NUBPL: variants seen among roughly 807,000 people sequenced by gnomAD.
NUBPL encodes the protein iron-sulfur cluster transfer protein NUBPL.
In NUBPL, 31 loss-of-function variants were observed where a neutral mutation model predicts 45.7. That is an observed-to-expected ratio of 0.68 (90% CI 0.51 to 0.92). The LOEUF (loss-of-function observed/expected upper bound fraction) is 0.92, where lower values mean the gene tolerates loss of function less well. Among genes scored for constraint, NUBPL ranks in the 40% least tolerant of loss-of-function variants. The pLI, the probability that NUBPL is intolerant of heterozygous loss-of-function variation, is 0.00. For synonymous variants in NUBPL, 144 were observed against 140.9 expected, an observed-to-expected ratio of 1.02 and a Z score of -0.15; for missense variants, 401 against 398.7, an observed-to-expected ratio of 1.01 and a Z score of -0.05.
chr14:31,719,451 C>A (rs1427513364), intron 6 of NUBPL, among the ~76,000 whole-genome samples: 2 of 151,626 alleles, frequency 1.3e-5, no homozygotes, highest in African/African-American at 4.8e-5. Context: ...GGGAAATAAT[C>A]CATTTTATAC....
At chr14:31,576,358 C>T (rs1020054070) in intron 3 of NUBPL, among the ~76,000 whole-genome samples, 3 of 152,132 alleles carry the variant, frequency 2.0e-5, no homozygotes, top group Non-Finnish European at 4.4e-5. Context: ...AACCCGTGGG[C>T]TCAAGCAATC....
rs544342987 is a variant in NUBPL at position 31,594,872 on chromosome 14, T to C, written c.292-4417T>C. On this transcript the variant is annotated intron_variant, in intron 3 of 10. Transcript: ENST00000281081. ...CAGTCCGAGATTAAACTGAATATAA[T>C]ATACAGGGAATCATGGGAGTCTTAG... 5.3e-5 allele frequency among the ~76,000 whole-genome samples: 8 copies of C among 152,262 alleles called. No homozygotes were observed. In the South Asian group the frequency reaches 1.0e-3, roughly 20 times the overall value.
intron 3 of NUBPL, among the ~76,000 whole-genome samples, chr14:31,585,809 A>G (rs1477955581): frequency 6.6e-6 from 1 of 152,174 alleles, no homozygotes; most frequent in Non-Finnish European, 1.5e-5. Flanking sequence ...TAAAATGTTA[A>G]TGACATTGAA....
chr14:31,678,915 C>T (rs557158011), intron 6 of NUBPL, among the ~76,000 whole-genome samples: 1 of 152,130 alleles, frequency 6.6e-6, no homozygotes, highest in African/African-American at 2.4e-5. Context: ...ATTTAGAATC[C>T]CAGAGCACTC....
At chr14:31,799,494 G>T (rs1365111072) in intron 7 of NUBPL, among the ~76,000 whole-genome samples, 2 of 151,978 alleles carry the variant, frequency 1.3e-5, no homozygotes, top group Admixed American at 6.6e-5. Context: ...CTCATTACAG[G>T]TACACCTTGG....
Position 31,787,851 on chromosome 14 carries a change from C to T in NUBPL, c.585C>T (p.Val195=), listed in dbSNP as rs2138819359. 1 of 1,610,994 alleles carries T rather than the reference C, an allele frequency of 6.2e-7. No homozygotes were observed. Among genetic ancestry groups the T allele is most frequent in the Non-Finnish European group, 8.5e-7 (1 of 1,177,328 alleles). The change falls in exon 7 of 11, where the codon GTC becomes GTT. Residue 195 remains valine, a synonymous_variant. Transcript: ENST00000281081. ...GAACTGGAGATGTGCAGTTATCAGT[C>T]TCACAGAATATTCCTATAACAGGTA... ...PPGTGDVQLS[V]SQNIPITGAV...
chr14:31,728,312 A>AT (rs1181338157), intron 6 of NUBPL, among the ~76,000 whole-genome samples: 3 of 151,648 alleles, frequency 2.0e-5, no homozygotes, highest in East Asian at 3.9e-4. Flanking sequence ...AAATTTATTT[A>AT]TTATTATTAT....
chr14:31,742,025 C>T (rs2038295028), intron 6 of NUBPL, among the ~76,000 whole-genome samples: 1 of 151,834 alleles, frequency 6.6e-6, no homozygotes. Context: ...ATATAAAATC[C>T]TCTCCCTCCC....
chr14:31,702,979 G>A (rs1041977280), intron 6 of NUBPL: 13 of 152,194 alleles, frequency 8.5e-5, no homozygotes, highest in African/African-American at 3.1e-4. Flanking sequence ...CCTGCAGACA[G>A]TGCTTTTAAT....
intron 3 of NUBPL, among the ~76,000 whole-genome samples, chr14:31,579,699 G>A (rs7148449): frequency 1 from 152,171 of 152,336 alleles, 76,004 homozygotes; most frequent in Middle Eastern, 1. Flanking sequence ...ACATTTTCCA[G>A]AATCACCAGT....
At chr14:31,700,987 C>T (rs1392212264) in intron 6 of NUBPL, among the ~76,000 whole-genome samples, 1 of 152,208 alleles carries the variant, frequency 6.6e-6, no homozygotes, top group Non-Finnish European at 1.5e-5. Context: ...AGCACAGGAT[C>T]CACTAGACAA....
chr14:31,659,996 G>A (rs2036230407), intron 4 of NUBPL, among the ~76,000 whole-genome samples: 1 of 152,160 alleles, frequency 6.6e-6, no homozygotes, highest in African/African-American at 2.4e-5. Flanking sequence ...TGGTACAAAA[G>A]AGAAAAGTAT....
intron 6 of NUBPL, among the ~76,000 whole-genome samples, chr14:31,690,929 C>A (rs569189175): frequency 2.6e-5 from 4 of 152,170 alleles, no homozygotes; most frequent in Non-Finnish European, 4.4e-5. Flanking sequence ...TGACATTAGA[C>A]AACATGGCAT....
chr14:31,861,063 C>G lies in NUBPL; in HGVS notation c.*1883C>G, dbSNP rs2040706037. The G allele has an allele frequency of 6.6e-6, 1 of 152,104 alleles. No homozygotes were observed. The highest frequency in any genetic ancestry group is 1.5e-5 in the Non-Finnish European group (1 of 68,026). 9.4% of individuals were successfully genotyped at this position (152,104 alleles called of 1,614,324 possible). A position where few individuals can be genotyped will look rare whatever the true frequency, so the allele number is the denominator to read the frequency against. On this transcript the variant is annotated 3_prime_UTR_variant, in exon 11 of 11. Coordinates refer to ENST00000281081, the MANE Select transcript of NUBPL (RefSeq NM_025152.3). ...ATGATGGAAATGTTCTATATCACAG[C>G]TATCGATGTCAGTATCCCAGTTGTG...
chr14:31,655,311 T>G (rs1381710870), intron 4 of NUBPL, among the ~76,000 whole-genome samples: 1 of 152,228 alleles, frequency 6.6e-6, no homozygotes, highest in Non-Finnish European at 1.5e-5. Context: ...ATCCACAGGC[T>G]GCAGAATGGA....
intron 4 of NUBPL, among the ~76,000 whole-genome samples, chr14:31,660,439 A>T (rs904616123): frequency 2.6e-5 from 4 of 152,216 alleles, no homozygotes; most frequent in Admixed American, 2.6e-4. Context: ...GGACTAGAGA[A>T]GTAGCTGGTG....
chr14:31,688,270 C>T (rs990524243), intron 6 of NUBPL, among the ~76,000 whole-genome samples: 7 of 152,158 alleles, frequency 4.6e-5, no homozygotes, highest in African/African-American at 9.6e-5. Flanking sequence ...CAGATGAGTT[C>T]GTGGACATCA....
chr14:31,623,820 G>T (rs186663288), intron 4 of NUBPL, among the ~76,000 whole-genome samples: 26 of 152,300 alleles, frequency 1.7e-4, no homozygotes, highest in Non-Finnish European at 3.1e-4. Context: ...AAGCTTTTGG[G>T]CATGGTTAAA....
At chr14:31,812,956 A>T (rs75845187) in intron 7 of NUBPL, among the ~76,000 whole-genome samples, 98 of 148,936 alleles carry the variant, frequency 6.6e-4, no homozygotes, top group Non-Finnish European at 1.3e-3. Flanking sequence ...TCCTAAGTGA[A>T]CTCATTCTGG....
Sources: allele counts gnomAD v4.1 joint callset (sites outside exome capture counted in the v4.1 genomes callset), GRCh38; gene constraint gnomAD v4.1.1; transcripts MANE v1.5; gene names NCBI Gene and HGNC (gene_info 2026-07-23, HGNC 2026-07-21).